NKAIN2: variants seen among roughly 807,000 people sequenced by gnomAD.
NKAIN2 encodes the protein sodium/potassium transporting ATPase interacting 2, also known as sodium/potassium-transporting ATPase subunit beta-1-interacting protein 2.
NKAIN2 carries 14 observed loss-of-function variants against 32.6 expected under a neutral mutation model. The ratio of observed to expected loss-of-function variants is 0.43; its 90% CI spans 0.28 to 0.67. NKAIN2 has a LOEUF of 0.67. NKAIN2 is among the 30% of genes least tolerant of loss of function. The pLI is 0.17. For synonymous variants in NKAIN2, 80 were observed against 87.2 expected (o/e 0.92, Z 0.46); for missense variants, 198 against 258.3 (o/e 0.77, Z 1.60).
chr6:124,036,538 C>T (rs143454682), intron 1 of NKAIN2, among the ~76,000 whole-genome samples: 1 of 152,206 alleles, frequency 6.6e-6, no homozygotes, highest in Non-Finnish European at 1.5e-5. Flanking sequence ...TTCATCTCCT[C>T]TTTCACTCTA....
intron 1 of NKAIN2, among the ~76,000 whole-genome samples, chr6:124,267,168 T>A (rs1247677816): frequency 6.6e-6 from 1 of 152,174 alleles, no homozygotes; most frequent in East Asian, 1.9e-4. Context: ...AACCTGTTAC[T>A]CCTGCTGAGA....
chr6:124,568,481 T>G (rs1358409284), intron 3 of NKAIN2, among the ~76,000 whole-genome samples: 2 of 152,164 alleles, frequency 1.3e-5, no homozygotes, highest in Non-Finnish European at 2.9e-5. Flanking sequence ...TTATTTTCAT[T>G]TATAGATGAA....
At chr6:124,340,221 C>A (rs1285845793) in intron 2 of NKAIN2, among the ~76,000 whole-genome samples, 2 of 152,204 alleles carry the variant, frequency 1.3e-5, no homozygotes, top group Middle Eastern at 3.4e-3. Flanking sequence ...TTGCTGTTTT[C>A]AACAGTTTGC....
chr6:123,875,416 G>A (rs1377440209), intron 1 of NKAIN2, among the ~76,000 whole-genome samples: 3 of 151,834 alleles, frequency 2.0e-5, no homozygotes, highest in Non-Finnish European at 4.4e-5. Context: ...TTATTGGTGA[G>A]GTTAAACATT....
At chr6:124,718,910 A>T (rs79556536) in intron 4 of NKAIN2, among the ~76,000 whole-genome samples, 3,520 of 148,336 alleles carry the variant, frequency 0.024, 139 homozygotes, top group African/African-American at 0.081. Context: ...TTTGAGTAAT[A>T]AAAAAAAATG....
At chr6:123,912,972 C>T (rs934874807) in intron 1 of NKAIN2, among the ~76,000 whole-genome samples, 3 of 152,226 alleles carry the variant, frequency 2.0e-5, no homozygotes, top group Non-Finnish European at 2.9e-5. Context: ...ATCCCTAAGG[C>T]GAAACCTGTA....
intron 1 of NKAIN2, among the ~76,000 whole-genome samples, chr6:123,836,079 T>A (rs1774606825): frequency 1.3e-5 from 2 of 152,154 alleles, no homozygotes; most frequent in South Asian, 2.1e-4. Context: ...ATAAAACAAA[T>A]ATCCATGAGT....
chr6:124,323,749 G>A (rs1055402249), intron 2 of NKAIN2, among the ~76,000 whole-genome samples: 3 of 146,146 alleles, frequency 2.1e-5, no homozygotes, highest in Admixed American at 2.0e-4. Flanking sequence ...TCTTTTGAAA[G>A]ATTGATTTAG....
chr6:124,407,301 C>T (rs987447763), intron 3 of NKAIN2, among the ~76,000 whole-genome samples: 2 of 151,748 alleles, frequency 1.3e-5, no homozygotes, highest in East Asian at 1.9e-4. Flanking sequence ...CCCATTAACT[C>T]GTCATTTAGC....
chr6:124,666,785 C>T (rs1379063927), intron 4 of NKAIN2, among the ~76,000 whole-genome samples: 1 of 151,904 alleles, frequency 6.6e-6, no homozygotes, highest in Non-Finnish European at 1.5e-5. Flanking sequence ...TCCCTATATG[C>T]AAATTTAGTA....
At chr6:124,408,225 C>T (rs1464467838) in intron 3 of NKAIN2, among the ~76,000 whole-genome samples, 1 of 152,078 alleles carries the variant, frequency 6.6e-6, no homozygotes, top group East Asian at 1.9e-4. Context: ...TCAATTTTGG[C>T]TTTTGTTGCC....
chr6:123,938,969 A>G (rs1275137641), intron 1 of NKAIN2, among the ~76,000 whole-genome samples: 1 of 152,064 alleles, frequency 6.6e-6, no homozygotes, highest in Middle Eastern at 3.4e-3. Flanking sequence ...GGTGACTAAG[A>G]TAAGGCAAAG....
At chr6:124,052,247 G>A (rs2114836342) in intron 1 of NKAIN2, among the ~76,000 whole-genome samples, 1 of 152,114 alleles carries the variant, frequency 6.6e-6, no homozygotes, top group East Asian at 1.9e-4. Flanking sequence ...ATTTATAAAA[G>A]ACGTAGGAAG....
intron 1 of NKAIN2, among the ~76,000 whole-genome samples, chr6:123,875,961 C>T (rs982282789): frequency 6.6e-6 from 1 of 152,038 alleles, no homozygotes; most frequent in African/African-American, 2.4e-5. Context: ...AGTTTCAGGG[C>T]AGTCTCTCAG....
chr6:123,882,277 GA>G (rs1239076772), intron 1 of NKAIN2, among the ~76,000 whole-genome samples: 2 of 151,476 alleles, frequency 1.3e-5, no homozygotes, highest in Non-Finnish European at 2.9e-5. Context: ...CATTAATTAT[GA>G]AAAAAAATCA....
chr6:123,843,270 G>C (rs780004855), intron 1 of NKAIN2, among the ~76,000 whole-genome samples: 1 of 152,172 alleles, frequency 6.6e-6, no homozygotes, highest in African/African-American at 2.4e-5. Flanking sequence ...TTGAAGGGTG[G>C]TGTATGCAGA....
At position 124,301,170 on chromosome 6, in the gene NKAIN2, T is replaced by C. The variant is rs576080898; in HGVS notation, c.192+18028T>C. 2.1e-3 allele frequency among the ~76,000 whole-genome samples: 323 copies of C among 152,250 alleles called. 1 individual carries two copies. Among genetic ancestry groups the C allele is most frequent in the African/African-American group, 7.4e-3 (306 of 41,544 alleles). On this transcript the variant is annotated intron_variant, in intron 2 of 6. Transcript: ENST00000368417. ...CCCTACATCCTAGTCACTCTAGCTG[T>C]GGCTAAAAGGGGCCAAGGTACAGCT...
chr6:124,372,826 G>C (rs1170432257), intron 3 of NKAIN2, among the ~76,000 whole-genome samples: 4 of 113,510 alleles, frequency 3.5e-5, no homozygotes, highest in African/African-American at 1.3e-4. Flanking sequence ...ATAGATATTT[G>C]TTAAAAATTT....
chr6:124,454,567 G>C (rs1776248743), intron 3 of NKAIN2, among the ~76,000 whole-genome samples: 1 of 152,028 alleles, frequency 6.6e-6, no homozygotes, highest in Non-Finnish European at 1.5e-5. Flanking sequence ...ACTTATGTGA[G>C]CAAAGATGAA....
Sources: allele counts gnomAD v4.1 joint callset (sites outside exome capture counted in the v4.1 genomes callset), GRCh38; gene constraint gnomAD v4.1.1; transcripts MANE v1.5; gene names NCBI Gene and HGNC (gene_info 2026-07-23, HGNC 2026-07-21).